Variants in ADGRL3 observed in about 807,000 individuals in gnomAD.
The protein encoded by ADGRL3 is calcium-independent alpha-latrotoxin receptor 3.
ADGRL3 carries 62 observed loss-of-function variants against 153.5 expected under a neutral mutation model. The observed-to-expected ratio is 0.40, with a 90% CI of 0.33 to 0.50. ADGRL3 has a LOEUF of 0.50. Among genes scored for constraint, ADGRL3 ranks in the 20% least tolerant of loss-of-function variants. ADGRL3 has a pLI of 0.47. For synonymous variants in ADGRL3, 710 were observed against 672.5 expected (o/e 1.06, Z -0.86); for missense variants, 1,641 against 1,859.4 (o/e 0.88, Z 2.16).
chr4:61,484,428 G>A (rs144535542), intron 2 of ADGRL3, among the ~76,000 whole-genome samples: 74 of 152,272 alleles, frequency 4.9e-4, no homozygotes, highest in African/African-American at 1.8e-3. Flanking sequence ...GGTCATCACT[G>A]TGAAGTCAAT....
intron 13 of ADGRL3, among the ~76,000 whole-genome samples, chr4:61,915,293 T>C (rs894419886): frequency 4.0e-5 from 6 of 148,306 alleles, no homozygotes; most frequent in Admixed American, 2.0e-4. Flanking sequence ...TATATCAATA[T>C]ATATCTGTAT....
intron 9 of ADGRL3, among the ~76,000 whole-genome samples, chr4:61,845,783 C>A (rs1480405949): frequency 2.0e-5 from 3 of 152,100 alleles, no homozygotes; most frequent in Non-Finnish European, 4.4e-5. Context: ...TAGTGAGAGA[C>A]ATGGCCATCT....
intron 8 of ADGRL3, among the ~76,000 whole-genome samples, chr4:61,811,338 GT>G (rs143850144): frequency 8.6e-5 from 13 of 151,336 alleles, no homozygotes; most frequent in Admixed American, 4.6e-4. Flanking sequence ...CAATGGATGA[GT>G]TTTTTTTTAA....
intron 2 of ADGRL3, among the ~76,000 whole-genome samples, chr4:61,459,224 A>G (rs1207153645): frequency 6.6e-6 from 1 of 151,854 alleles, no homozygotes; most frequent in Admixed American, 6.6e-5. Flanking sequence ...TATTCGATTC[A>G]TTTTTGGTGT....
chr4:61,953,182 C>T (rs1047075396), intron 17 of ADGRL3, among the ~76,000 whole-genome samples: 3 of 152,166 alleles, frequency 2.0e-5, no homozygotes, highest in Non-Finnish European at 2.9e-5. Context: ...CACAGAAGTA[C>T]AGCAGCCAGT....
chr4:61,642,111 T>C (rs563774889), intron 5 of ADGRL3, among the ~76,000 whole-genome samples: 3,630 of 148,506 alleles, frequency 0.024, 66 homozygotes, highest in Middle Eastern at 0.049. Flanking sequence ...GTTCATGTCC[T>C]TTGCCCACTT....
At chr4:61,448,856 G>A (rs1225214292) in intron 2 of ADGRL3, among the ~76,000 whole-genome samples, 3 of 7,058 alleles carry the variant, frequency 4.3e-4, no homozygotes, top group Non-Finnish European at 1.4e-3. Context: ...AGGGAAGGAA[G>A]GGAGGGAAGG....
intron 5 of ADGRL3, among the ~76,000 whole-genome samples, chr4:61,607,084 G>A (rs563589507): frequency 6.6e-6 from 1 of 152,254 alleles, no homozygotes; most frequent in Admixed American, 6.5e-5. Context: ...TCTCCCCAAA[G>A]ACTCAGAGGT....
intron 21 of ADGRL3, among the ~76,000 whole-genome samples, chr4:62,012,139 A>C (rs1321259423): frequency 6.6e-6 from 1 of 152,176 alleles, no homozygotes; most frequent in Non-Finnish European, 1.5e-5. Context: ...AATTCAAACC[A>C]ACCTCTTTTT....
At chr4:61,624,884 G>T (rs1239175736) in intron 5 of ADGRL3, among the ~76,000 whole-genome samples, 1 of 151,942 alleles carries the variant, frequency 6.6e-6, no homozygotes, top group Non-Finnish European at 1.5e-5. Context: ...ATACAGTTAA[G>T]AAATCTATTT....
At chr4:62,058,620 C>T (rs1260461456) in intron 25 of ADGRL3, among the ~76,000 whole-genome samples, 1 of 152,128 alleles carries the variant, frequency 6.6e-6, no homozygotes, top group African/African-American at 2.4e-5. Flanking sequence ...TTGTAACTAT[C>T]TCGTCCTCCC....
At chr4:61,543,695 A>G (rs1446992687) in intron 4 of ADGRL3, among the ~76,000 whole-genome samples, 1 of 152,236 alleles carries the variant, frequency 6.6e-6, no homozygotes, top group Non-Finnish European at 1.5e-5. Context: ...TTACTTAAAC[A>G]TACCTGTATC....
At chr4:61,520,618 TA>T (rs2098524092) in intron 4 of ADGRL3, among the ~76,000 whole-genome samples, 1 of 142,370 alleles carries the variant, frequency 7.0e-6, no homozygotes, top group African/African-American at 2.5e-5. Context: ...ACTTGGGTTT[TA>T]ATATTTATAG....
rs773475796 is a variant in ADGRL3, at chr4:61,733,475, G to A, written c.1320G>A (p.Arg440=). Residue 440 remains arginine (R), a synonymous_variant, in exon 8 of 27, where the codon AGG becomes AGA. Coordinates refer to ENST00000683033, the MANE Select transcript of ADGRL3 (RefSeq NM_001387552.1). ...TTGCAGCTGTGGATTACAACCCCAGGGACAACCTACTTTATGTATGGAATA... is the reference window on the plus strand; with the variant it reads ...TTGCAGCTGTGGATTACAACCCCAGAGACAACCTACTTTATGTATGGAATA... ...QYIAAVDYNP[R]DNLLYVWNNY... 11 of 1,613,546 alleles carry A rather than the reference G, an allele frequency of 6.8e-6. No individual in the cohort carries two copies. Among genetic ancestry groups the A allele is most frequent in the East Asian group, 2.2e-5 (1 of 44,848 alleles).
intron 2 of ADGRL3, among the ~76,000 whole-genome samples, chr4:61,437,860 C>G (rs775776053): frequency 6.6e-6 from 1 of 152,140 alleles, no homozygotes; most frequent in Non-Finnish European, 1.5e-5. Context: ...CCTCCCCTTG[C>G]AACACTTACC....
chr4:61,723,582 T>A (rs1426860408), intron 6 of ADGRL3, among the ~76,000 whole-genome samples: 1 of 152,052 alleles, frequency 6.6e-6, no homozygotes, highest in Admixed American at 6.6e-5. Flanking sequence ...ACGTAGCCAG[T>A]GAAAAAAACT....
chr4:62,072,572 A>T lies in ADGRL3; in HGVS notation c.*1664A>T, dbSNP rs963656719. The T allele has an allele frequency of 4.6e-5, 7 of 152,436 alleles. No homozygotes were observed. Among genetic ancestry groups the T allele is most frequent in the Non-Finnish European group, 1.0e-4 (7 of 68,034 alleles). 9.4% of individuals were successfully genotyped at this position (152,436 alleles called of 1,614,324 possible). On this transcript the variant is annotated 3_prime_UTR_variant, in exon 27 of 27. Coordinates refer to ENST00000683033, the MANE Select transcript of ADGRL3 (RefSeq NM_001387552.1). ...CCAAATGAGCCATGCAAAAGAAATCAATCTGCCTAGATGAATAAGCTAAGC... is the reference window on the plus strand; with the variant it reads ...CCAAATGAGCCATGCAAAAGAAATCTATCTGCCTAGATGAATAAGCTAAGC...
chr4:61,594,113 A>G (rs936972925), intron 5 of ADGRL3, among the ~76,000 whole-genome samples: 1 of 152,130 alleles, frequency 6.6e-6, no homozygotes, highest in Non-Finnish European at 1.5e-5. Context: ...CAGCATATCA[A>G]TTGCATTTTC....
intron 23 of ADGRL3, among the ~76,000 whole-genome samples, chr4:62,033,828 TAAG>T (rs1369181551): frequency 1.3e-5 from 2 of 151,774 alleles, no homozygotes; most frequent in Non-Finnish European, 3.0e-5. Flanking sequence ...ACTAACTCAT[TAAG>T]AAGTAATTTT....
Sources: gnomAD v4.1 joint callset for allele counts (sites outside exome capture counted in the v4.1 genomes callset) on GRCh38, gnomAD v4.1.1 for gene constraint, MANE v1.5 for transcripts, NCBI Gene and HGNC (gene_info 2026-07-23, HGNC 2026-07-21) for gene names.